The following PDE10A variants were observed in gnomAD, a reference collection of about 807,000 sequenced individuals.
PDE10A encodes phosphodiesterase 10A, also known as cAMP and cAMP-inhibited cGMP 3',5'-cyclic phosphodiesterase 10A.
A neutral mutation model predicts 97.7 loss-of-function variants in PDE10A; 39 were observed. That is an observed-to-expected ratio of 0.40 (90% confidence interval 0.31 to 0.52). The LOEUF (loss-of-function observed/expected upper bound fraction) is 0.52. Among genes scored for constraint, PDE10A ranks in the 20% least tolerant of loss-of-function variants. The pLI, the probability that PDE10A is intolerant of heterozygous loss-of-function variation, is 0.56. For missense variants in PDE10A, 731 were observed against 1,047.8 expected (o/e 0.70, Z 4.17); for synonymous variants, 371 against 376.8 (o/e 0.98, Z 0.18).
chr6:165,359,820 T>C (rs935135580), intron 18 of PDE10A, among the ~76,000 whole-genome samples: 9 of 152,202 alleles, frequency 5.9e-5, no homozygotes, highest in African/African-American at 2.2e-4. Context: ...TGTTCTTTTT[T>C]GTTTACCAGT....
In PDE10A at chr6:165,479,732, C is replaced by T. The variant is rs144929020; in HGVS notation, c.1023+2583G>A. 2.0e-3 allele frequency among the ~76,000 whole-genome samples: 309 copies of T among 152,236 alleles called. 2 individuals are homozygous for T. Among genetic ancestry groups the T allele is most frequent in the African/African-American group, 7.1e-3 (297 of 41,554 alleles). On this transcript the variant is annotated intron_variant, in intron 3 of 21. Coordinates refer to ENST00000539869, the MANE Select transcript of PDE10A (RefSeq NM_001385079.1). ...TCGATTTTGCTCACCATTGTATCCA[C>T]AGCACCTTAGAACAATGCCTAAAAC... is the stretch of plus-strand genomic sequence containing the variant.
upstream of PDE10A, among the ~76,000 whole-genome samples, chr6:165,667,090 A>C (rs1156761351): frequency 3.3e-5 from 5 of 152,262 alleles, no homozygotes; most frequent in African/African-American, 4.8e-5. Flanking sequence ...GGTTTTAAAA[A>C]TATTATGAAA....
chr6:165,600,610 A>G (rs1029472743), intron 1 of PDE10A, among the ~76,000 whole-genome samples: 3 of 151,886 alleles, frequency 2.0e-5, no homozygotes, highest in African/African-American at 7.3e-5. Context: ...GCATCTAGTC[A>G]CCTTTCCGGC....
intron 1 of PDE10A, among the ~76,000 whole-genome samples, chr6:165,833,191 G>A (rs1779973335): frequency 6.6e-6 from 1 of 152,198 alleles, no homozygotes. Context: ...AAATTCAAGT[G>A]ATCTTTGAAA....
At chr6:165,506,137 C>G (rs1781178794) in intron 2 of PDE10A, among the ~76,000 whole-genome samples, 1 of 151,936 alleles carries the variant, frequency 6.6e-6, no homozygotes, top group Non-Finnish European at 1.5e-5. Context: ...GGTTTTTTTC[C>G]CCACTAAAAT....
chr6:165,422,390 C>CACATAT (rs1266576686), intron 10 of PDE10A, among the ~76,000 whole-genome samples: 5 of 142,920 alleles, frequency 3.5e-5, no homozygotes, highest in Admixed American at 6.8e-5. Context: ...CATACACACA[C>CACATAT]GCATACACAC....
chr6:165,754,494 TA>T (rs1793073344), intron 1 of PDE10A: 1 of 152,226 alleles, frequency 6.6e-6, no homozygotes, highest in Non-Finnish European at 1.5e-5. Context: ...GCTTTAGAAG[TA>T]GTTTTTGAAA....
intron 1 of PDE10A, among the ~76,000 whole-genome samples, chr6:165,598,138 G>C (rs535292183): frequency 3.2e-4 from 48 of 152,262 alleles, no homozygotes; most frequent in Non-Finnish European, 5.4e-4. Context: ...CCCCAAACCT[G>C]TCAGTTTGCC....
At chr6:165,826,984 C>T (rs1457352199) in intron 1 of PDE10A, among the ~76,000 whole-genome samples, 7 of 151,860 alleles carry the variant, frequency 4.6e-5, no homozygotes, top group African/African-American at 1.7e-4. Flanking sequence ...AGGAGGGGCA[C>T]GGAGGGGACA....
intron 1 of PDE10A, among the ~76,000 whole-genome samples, chr6:165,675,431 TG>T (rs1227605099): frequency 1.3e-5 from 2 of 152,238 alleles, no homozygotes; most frequent in African/African-American, 4.8e-5. Context: ...AGTATATTCT[TG>T]GTATTGAGAA....
rs1369647125 is a variant in PDE10A, at chr6:165,661,510, G to C, written c.865+437C>G. 1 of 155,790 alleles carries C rather than the reference G, an allele frequency of 6.4e-6. No homozygotes were observed. Among genetic ancestry groups the C allele is most frequent in the Admixed American group, 6.5e-5 (1 of 15,364 alleles). The allele number at this position is 155,790 out of a possible 1,614,324, so 9.7% of individuals were successfully genotyped here. On this transcript the variant is annotated intron_variant, in intron 1 of 21. Transcript: ENST00000539869. The surrounding 1 kb of genome is among the most constrained non-coding windows in gnomAD (Gnocchi z 4.8). ...CACCCCGGCTACAGGGACCCGGTGG[G>C]CTGGACCCCCAAGTGGAAGGAAGCG... is the stretch of plus-strand genomic sequence containing the variant.
At chr6:165,718,901 G>A (rs1336564198) in intron 1 of PDE10A, among the ~76,000 whole-genome samples, 5 of 151,786 alleles carry the variant, frequency 3.3e-5, no homozygotes, top group Non-Finnish European at 7.4e-5. Flanking sequence ...AGACCATACA[G>A]GGAGGAAAAA....
At chr6:165,497,435 G>A (rs963962263) in intron 2 of PDE10A, among the ~76,000 whole-genome samples, 1 of 152,086 alleles carries the variant, frequency 6.6e-6, no homozygotes, top group Non-Finnish European at 1.5e-5. Context: ...TTATAGAGAT[G>A]AGAAATATGA....
intron 1 of PDE10A, among the ~76,000 whole-genome samples, chr6:165,768,429 A>G (rs1404748958): frequency 6.6e-6 from 1 of 151,936 alleles, no homozygotes; most frequent in African/African-American, 2.4e-5. Flanking sequence ...TAGGCCTTTG[A>G]TCTATTTTGA....
At chr6:165,342,807 A>G (rs1315156701) in intron 19 of PDE10A, among the ~76,000 whole-genome samples, 1 of 152,220 alleles carries the variant, frequency 6.6e-6, no homozygotes, top group Non-Finnish European at 1.5e-5. Context: ...CAAATTGAGC[A>G]GTACAATGCA....
intron 2 of PDE10A, among the ~76,000 whole-genome samples, chr6:165,529,154 C>G (rs901293665): frequency 6.6e-6 from 1 of 152,156 alleles, no homozygotes; most frequent in Non-Finnish European, 1.5e-5. Context: ...ACACTCTGGG[C>G]TCCTCCTACC....
At chr6:165,484,475 G>A (rs911083173) in intron 2 of PDE10A, among the ~76,000 whole-genome samples, 1 of 152,210 alleles carries the variant, frequency 6.6e-6, no homozygotes, top group Non-Finnish European at 1.5e-5. Flanking sequence ...ACCCTACTGC[G>A]AACTGCACTT....
At chr6:165,737,734 A>C (rs1792613971) in intron 1 of PDE10A, among the ~76,000 whole-genome samples, 1 of 152,228 alleles carries the variant, frequency 6.6e-6, no homozygotes, top group Non-Finnish European at 1.5e-5. Flanking sequence ...TTCCTCTAAG[A>C]TCACGAACAA....
At chr6:165,851,120 C>G (rs1465940311) in intron 1 of PDE10A, among the ~76,000 whole-genome samples, 1 of 152,222 alleles carries the variant, frequency 6.6e-6, no homozygotes, top group African/African-American at 2.4e-5. Context: ...CTGCCTCTAT[C>G]TCTACCTAAT....
Sources: allele counts gnomAD v4.1 joint callset (sites outside exome capture counted in the v4.1 genomes callset), GRCh38; gene constraint gnomAD v4.1.1; non-coding constraint Gnocchi (gnomAD v3.1); transcripts MANE v1.5; gene names NCBI Gene and HGNC (gene_info 2026-07-23, HGNC 2026-07-21).